Variants in KCND2 observed in about 807,000 individuals in gnomAD.
The protein encoded by KCND2 is A-type voltage-gated potassium channel KCND2.
In KCND2, 16 loss-of-function variants were observed where a neutral mutation model predicts 54.4. The ratio of observed to expected loss-of-function variants is 0.29; its 90% confidence interval spans 0.20 to 0.45. The LOEUF is 0.45. Among genes scored for constraint, KCND2 ranks in the 20% least tolerant of loss-of-function variants. KCND2 has a pLI of 1.00. For synonymous variants in KCND2, 317 were observed against 310.7 expected (o/e 1.02, Z -0.21); for missense variants, 486 against 824.2 (o/e 0.59, Z 5.02).
rs530001411 is a variant in KCND2, at chr7:120,291,022, G to T, written c.1115+15275G>T. 1.1e-4 allele frequency among the ~76,000 whole-genome samples: 17 copies of T among 152,034 alleles called. No individual in the cohort carries two copies. In the South Asian group the frequency reaches 3.3e-3, roughly 30 times the overall value. ...ACTGAACAAAAATCTGAAATCAGTT[G>T]TCACTTTTTGAATCTTAATAAATTC... On this transcript the variant is annotated intron_variant, in intron 1 of 5. Transcript: ENST00000331113.
At chr7:120,537,245 G>A (rs551735523) in intron 1 of KCND2, among the ~76,000 whole-genome samples, 3 of 152,258 alleles carry the variant, frequency 2.0e-5, no homozygotes, top group African/African-American at 7.2e-5. Flanking sequence ...TCAATAAGCA[G>A]TAATACTTAG....
At chr7:120,648,277 A>G (rs1345857228) in intron 1 of KCND2, among the ~76,000 whole-genome samples, 1 of 152,134 alleles carries the variant, frequency 6.6e-6, no homozygotes, top group Non-Finnish European at 1.5e-5. Flanking sequence ...GAGTTTGGAT[A>G]GTGCAGGTCA....
intron 1 of KCND2, among the ~76,000 whole-genome samples, chr7:120,292,307 G>C (rs532326685): frequency 1.3e-5 from 2 of 151,744 alleles, no homozygotes; most frequent in African/African-American, 4.8e-5. Flanking sequence ...TGCCCATGCT[G>C]TCTTTGTCCT....
At chr7:120,606,247 A>C (rs1225877108) in intron 1 of KCND2, among the ~76,000 whole-genome samples, 2 of 152,196 alleles carry the variant, frequency 1.3e-5, no homozygotes, top group African/African-American at 4.8e-5. Context: ...ATTTTAAATT[A>C]CTTTTATATT....
At chr7:120,326,867 T>G (rs992515984) in intron 1 of KCND2, among the ~76,000 whole-genome samples, 1 of 152,048 alleles carries the variant, frequency 6.6e-6, no homozygotes, top group Non-Finnish European at 1.5e-5. Flanking sequence ...GATAGGTGAA[T>G]GAATAATGTA....
At chr7:120,492,677 TACA>T (rs1402899496) in intron 1 of KCND2, among the ~76,000 whole-genome samples, 5 of 152,046 alleles carry the variant, frequency 3.3e-5, no homozygotes, top group African/African-American at 1.2e-4. Flanking sequence ...ACCATGGGGT[TACA>T]TTCCTATAAA....
intron 1 of KCND2, among the ~76,000 whole-genome samples, chr7:120,418,734 T>A (rs760841124): frequency 2.6e-5 from 4 of 152,184 alleles, no homozygotes; most frequent in Non-Finnish European, 5.9e-5. Context: ...AACATTCAGG[T>A]TAAATAAACA....
At chr7:120,319,702 T>C (rs1799865658) in intron 1 of KCND2, among the ~76,000 whole-genome samples, 1 of 152,124 alleles carries the variant, frequency 6.6e-6, no homozygotes. Context: ...TTAAGATAAT[T>C]AGATAGCCAA....
intron 1 of KCND2, among the ~76,000 whole-genome samples, chr7:120,553,161 C>T (rs1792122601): frequency 6.6e-6 from 1 of 152,142 alleles, no homozygotes; most frequent in Non-Finnish European, 1.5e-5. Flanking sequence ...TTATTTCCTC[C>T]TCCCGTTCAG....
At chr7:120,538,574 C>A (rs1047693473) in intron 1 of KCND2, among the ~76,000 whole-genome samples, 4 of 152,142 alleles carry the variant, frequency 2.6e-5, no homozygotes, top group African/African-American at 7.2e-5. Context: ...CTGTTTTGAG[C>A]TCTTGGGGCC....
At chr7:120,580,528 C>G (rs1480147224) in intron 1 of KCND2, among the ~76,000 whole-genome samples, 1 of 152,164 alleles carries the variant, frequency 6.6e-6, no homozygotes, top group Admixed American at 6.6e-5. Context: ...ACTGCATACT[C>G]AAGTGATAAT....
intron 1 of KCND2, among the ~76,000 whole-genome samples, chr7:120,360,330 C>T (rs1341253209): frequency 6.6e-6 from 1 of 151,960 alleles, no homozygotes; most frequent in Non-Finnish European, 1.5e-5. Context: ...ACTTTTCTGA[C>T]CAAAAATTTC....
chr7:120,538,194 G>C (rs1227649414), intron 1 of KCND2, among the ~76,000 whole-genome samples: 1 of 152,112 alleles, frequency 6.6e-6, no homozygotes, highest in African/African-American at 2.4e-5. Flanking sequence ...GCAAAGGAGA[G>C]GGAGAGAGTT....
rs145524291 is a variant in KCND2, at chr7:120,526,991, C to G, written c.1116-205912C>G. ...TAATCACAACAATGGATCATTTTAACTTTCATAACCAATAGAGCTCATGAT... is the reference window on the plus strand; with the variant it reads ...TAATCACAACAATGGATCATTTTAAGTTTCATAACCAATAGAGCTCATGAT... On this transcript the variant is annotated intron_variant, in intron 1 of 5. Transcript: ENST00000331113. Among the ~76,000 whole-genome samples, 5 of 152,188 alleles carry G rather than the reference C, an allele frequency of 3.3e-5. No homozygotes were observed. In the East Asian group the frequency reaches 7.7e-4, roughly 24 times the overall value.
intron 1 of KCND2, among the ~76,000 whole-genome samples, chr7:120,395,067 A>T (rs910903625): frequency 4.6e-5 from 7 of 152,082 alleles, no homozygotes; most frequent in Non-Finnish European, 8.8e-5. Context: ...AAACATTTAT[A>T]TGCTGGATAT....
intron 1 of KCND2, among the ~76,000 whole-genome samples, chr7:120,630,839 C>T (rs928238840): frequency 1.3e-5 from 2 of 152,026 alleles, no homozygotes; most frequent in Non-Finnish European, 1.5e-5. Context: ...ATTATTCTTG[C>T]CAGAAGCAGA....
chr7:120,353,133 C>CTTTTTTTTTTTTTTT (rs72353278), intron 1 of KCND2, among the ~76,000 whole-genome samples: 1 of 91,794 alleles, frequency 1.1e-5, no homozygotes, highest in African/African-American at 4.2e-5. Flanking sequence ...AATACTTTTA[C>CTTTTTTTTTTTTTTT]TTTTTTTTTT....
chr7:120,711,472 A>T (rs1426827905), intron 1 of KCND2, among the ~76,000 whole-genome samples: 1 of 152,168 alleles, frequency 6.6e-6, no homozygotes, highest in Non-Finnish European at 1.5e-5. Context: ...TTTCAAACTT[A>T]AGAAATTCTA....
At position 120,434,267 on chromosome 7, in the gene KCND2, C is replaced by A. The variant is rs190429969; in HGVS notation, c.1115+158520C>A. ...AGTTTGAGTAAAACACAAGAGGCAT[C>A]TATGGGAGGAAAAATTTCAAGTTCT... On this transcript the variant is annotated intron_variant, in intron 1 of 5. Transcript: ENST00000331113. Among the ~76,000 whole-genome samples, 149 of 152,272 alleles carry A rather than the reference C, an allele frequency of 9.8e-4. 3 individuals are homozygous for A. The highest frequency in any genetic ancestry group is 3.5e-4 in the Non-Finnish European group (24 of 68,018).
Sources: allele counts gnomAD v4.1 joint callset (sites outside exome capture counted in the v4.1 genomes callset), GRCh38; gene constraint gnomAD v4.1.1; transcripts MANE v1.5; gene names NCBI Gene and HGNC (gene_info 2026-07-23, HGNC 2026-07-21).